Variants in ITCH observed in about 807,000 individuals in gnomAD.
The protein encoded by ITCH is E3 ubiquitin-protein ligase Itchy homolog.
ITCH carries 28 observed loss-of-function variants against 126.8 expected under a neutral mutation model. That is an observed-to-expected ratio of 0.22 (90% CI 0.16 to 0.30). The LOEUF (loss-of-function observed/expected upper bound fraction) is 0.30, where lower values mean the gene tolerates loss of function less well. Among genes scored for constraint, ITCH ranks in the 10% least tolerant of loss-of-function variants. ITCH has a pLI of 1.00. For missense variants in ITCH, 631 were observed against 1,032.4 expected (o/e 0.61, Z 5.33); for synonymous variants, 342 against 340.0 (o/e 1.01, Z -0.06).
At chr20:34,443,165 A>G (rs1182972137) in intron 10 of ITCH, among the ~76,000 whole-genome samples, 2 of 152,066 alleles carry the variant, frequency 1.3e-5, no homozygotes, top group African/African-American at 4.8e-5. Flanking sequence ...TTTCAAATTA[A>G]TTGGGGAAGT....
rs1978824100 is a variant in ITCH at position 34,511,683 on chromosome 20, C to T, written c.*3889C>T. 6.6e-6 allele frequency among the ~76,000 whole-genome samples: 1 copy of T among 152,226 alleles called. No homozygotes were observed. The highest frequency in any genetic ancestry group is 6.5e-5 in the Admixed American group (1 of 15,286). Reference sequence around the variant, plus strand: ...AGCCTGGAAATGATCCCAAGACCAACTCAAAACTACAAAGTTTTCCAGAGC... The same window carrying T: ...AGCCTGGAAATGATCCCAAGACCAATTCAAAACTACAAAGTTTTCCAGAGC... On this transcript the variant is annotated 3_prime_UTR_variant, in exon 25 of 25. Coordinates refer to ENST00000374864, the MANE Select transcript of ITCH (RefSeq NM_031483.7).
rs1989393245 is a variant in ITCH, at chr20:34,489,893, A to G, written c.2286A>G (p.Ala762=). 6.2e-7 allele frequency: 1 copy of G among 1,613,812 alleles called. No homozygotes were observed. The highest frequency in any genetic ancestry group is 8.5e-7 in the Non-Finnish European group (1 of 1,179,864). The change falls in exon 22 of 25, where the codon GCA becomes GCG. Residue 762 remains alanine, a synonymous_variant. Coordinates refer to ENST00000374864, the MANE Select transcript of ITCH (RefSeq NM_031483.7). ...GACATGCCATCTACCGTCATTATGC[A>G]AGGACCAGCAAACAAATCATGTGGT... ...WQRHAIYRHY[A]RTSKQIMWFW...
intron 11 of ITCH, among the ~76,000 whole-genome samples, chr20:34,448,167 A>G (rs1326177553): frequency 6.6e-6 from 1 of 152,130 alleles, no homozygotes; most frequent in Non-Finnish European, 1.5e-5. Flanking sequence ...AGGCGGGTGG[A>G]TCACGAACAA....
chr20:34,397,623 T>C (rs970636321), intron 3 of ITCH, among the ~76,000 whole-genome samples: 1 of 152,232 alleles, frequency 6.6e-6, no homozygotes, highest in African/African-American at 2.4e-5. Flanking sequence ...AACCACATCA[T>C]AGAATTTTTT....
At chr20:34,473,871 C>G (rs1463439849) in intron 16 of ITCH, among the ~76,000 whole-genome samples, 2 of 152,202 alleles carry the variant, frequency 1.3e-5, no homozygotes, top group Admixed American at 6.5e-5. Flanking sequence ...CAGTTTCAGT[C>G]TGAACATAAT....
chr20:34,465,195 G>A (rs1417832236), intron 14 of ITCH, among the ~76,000 whole-genome samples: 2 of 152,156 alleles, frequency 1.3e-5, no homozygotes, highest in African/African-American at 4.8e-5. Flanking sequence ...ATTGTCAATA[G>A]CATTTTACCA....
intron 14 of ITCH, among the ~76,000 whole-genome samples, chr20:34,463,005 T>C (rs576438096): frequency 1.1e-4 from 17 of 152,334 alleles, no homozygotes; most frequent in Non-Finnish European, 2.2e-4. Context: ...TTCACAGATA[T>C]TTGCATTGTT....
At position 34,487,439 on chromosome 20, in the gene ITCH, G is replaced by T. The variant is rs143343961; in HGVS notation, c.2094-1827G>T. 1.4e-4 allele frequency among the ~76,000 whole-genome samples: 21 copies of T among 152,068 alleles called. No individual in the cohort carries two copies. The East Asian group carries it at 3.9e-3, about 28-fold the overall frequency. On this transcript the variant is annotated intron_variant, in intron 20 of 24. Transcript: ENST00000374864. ...TGCTATTTGTTTTGCTATTTGTCTC[G>T]CCTTGCTATTTGTTTCTTATTTTTC...
At chr20:34,383,627 A>G (rs972605010) in intron 2 of ITCH, among the ~76,000 whole-genome samples, 18 of 150,882 alleles carry the variant, frequency 1.2e-4, no homozygotes, top group African/African-American at 3.9e-4. Flanking sequence ...CGGCTTCCCA[A>G]AGTGCTGGGA....
intron 14 of ITCH, among the ~76,000 whole-genome samples, chr20:34,467,981 C>T (rs1319523115): frequency 6.6e-6 from 1 of 150,748 alleles, no homozygotes; most frequent in Non-Finnish European, 1.5e-5. Context: ...TCAGGAAAAG[C>T]TTGTGACATA....
chr20:34,448,677 A>G (rs6059844), intron 11 of ITCH, among the ~76,000 whole-genome samples: 74,141 of 151,870 alleles, frequency 0.49, 18,345 homozygotes, highest in Middle Eastern at 0.51. Flanking sequence ...GTTTAACCAA[A>G]TCTTACTGGG....
At chr20:34,412,060 C>G (rs1378893826) in intron 4 of ITCH, among the ~76,000 whole-genome samples, 3 of 152,094 alleles carry the variant, frequency 2.0e-5, no homozygotes, top group African/African-American at 7.2e-5. Flanking sequence ...GCTATTTGAC[C>G]TTAGGCAATT....
At chr20:34,465,183 C>T (rs1188476034) in intron 14 of ITCH, among the ~76,000 whole-genome samples, 1 of 152,172 alleles carries the variant, frequency 6.6e-6, no homozygotes, top group Admixed American at 6.5e-5. Context: ...GACTGTGGCA[C>T]CATTGTCAAT....
rs1459036431 is a variant in ITCH at position 34,508,747 on chromosome 20, AT to A, written c.*958del. ...AATTCATCTAAAGATGTCTCTGGTG[AT>A]TTTTATATGTTCCGCTATATAATTG... On this transcript the variant is annotated 3_prime_UTR_variant, in exon 25 of 25. Coordinates refer to ENST00000374864, the MANE Select transcript of ITCH (RefSeq NM_031483.7). 1 of 152,154 alleles carries A rather than the reference AT, an allele frequency of 6.6e-6. No homozygotes were observed. The highest frequency in any genetic ancestry group is 6.5e-5 in the Admixed American group (1 of 15,268). The allele number at this position is 152,154 out of a possible 1,614,324, so 9.4% of individuals were successfully genotyped here.
At chr20:34,482,631 A>G (rs759536166) in intron 20 of ITCH, among the ~76,000 whole-genome samples, 24 of 152,204 alleles carry the variant, frequency 1.6e-4, no homozygotes, top group Non-Finnish European at 1.6e-4. Context: ...TGCAGGGTAT[A>G]GCCCCCCACC....
At chr20:34,395,232 CAA>C (rs75300869) in intron 3 of ITCH, among the ~76,000 whole-genome samples, 25 of 76,806 alleles carry the variant, frequency 3.3e-4, no homozygotes, top group Admixed American at 4.5e-4. Flanking sequence ...GACTCCATCT[CAA>C]AAAAAAAAAA....
chr20:34,459,329 C>T (rs1169281699), intron 13 of ITCH, among the ~76,000 whole-genome samples: 3 of 152,170 alleles, frequency 2.0e-5, no homozygotes, highest in East Asian at 1.9e-4. Context: ...AGGGAAGTCT[C>T]TGGTATCTAG....
chr20:34,445,822 A>G (rs1456547888), intron 11 of ITCH, among the ~76,000 whole-genome samples: 2 of 152,208 alleles, frequency 1.3e-5, no homozygotes, highest in African/African-American at 4.8e-5. Context: ...ATCTGACTCT[A>G]AAGTGGTTGT....
intron 2 of ITCH, among the ~76,000 whole-genome samples, chr20:34,392,315 G>C (rs2038516919): frequency 6.6e-6 from 1 of 151,980 alleles, no homozygotes; most frequent in Non-Finnish European, 1.5e-5. Context: ...AGCAGATTTT[G>C]GTTATAAAAC....
Sources: allele counts gnomAD v4.1 joint callset (sites outside exome capture counted in the v4.1 genomes callset), GRCh38; gene constraint gnomAD v4.1.1; transcripts MANE v1.5; gene names NCBI Gene and HGNC (gene_info 2026-07-23, HGNC 2026-07-21).